Variants in RANBP2 observed in about 807,000 individuals in gnomAD.
RANBP2 encodes the protein RAN binding protein 2.
RANBP2 carries 57 observed loss-of-function variants against 303.6 expected under a neutral mutation model. The observed-to-expected ratio is 0.19, with a 90% CI of 0.15 to 0.23. RANBP2 has a LOEUF of 0.23. Ranked by LOEUF, RANBP2 falls within the 10% of genes least tolerant of loss-of-function variation. The probability of loss-of-function intolerance (pLI) is 1.00; values close to 1 mark genes in which losing one functional copy is unlikely to be tolerated. For missense variants in RANBP2, 3,138 were observed against 3,780.8 expected (o/e 0.83, Z 4.46); for synonymous variants, 1,167 against 1,301.5 (o/e 0.90, Z 2.23).
the RANBP2 span, chr2:108,812,884 A>G: frequency 1.9e-6 from 3 of 1,613,686 alleles, no homozygotes; most frequent in South Asian, 2.2e-5. Flanking sequence ...CATGAAATGA[A>G]AAGTTTAAAA....
At chr2:109,611,565 C>T in the RANBP2 span, among the ~76,000 whole-genome samples, 2 of 151,390 alleles carry the variant, frequency 1.3e-5, no homozygotes, top group African/African-American at 4.9e-5. Context: ...TGAGACCAGC[C>T]TGGGCAACAT....
chr2:108,745,775 A>G (rs1294764822), intron 7 of RANBP2, among the ~76,000 whole-genome samples: 1 of 152,108 alleles, frequency 6.6e-6, no homozygotes, highest in African/African-American at 2.4e-5. Context: ...CTCAAATAGG[A>G]CAACATCTGC....
the RANBP2 span, among the ~76,000 whole-genome samples, chr2:109,286,757 G>T: frequency 6.6e-6 from 1 of 152,214 alleles, no homozygotes; most frequent in South Asian, 2.1e-4. Flanking sequence ...TCCCTACAGA[G>T]ATGTGGTGCA....
chr2:108,809,237 GT>G, the RANBP2 span, among the ~76,000 whole-genome samples: 1 of 152,150 alleles, frequency 6.6e-6, no homozygotes, highest in African/African-American at 2.4e-5. Context: ...TATATTTTGA[GT>G]TTAGGTAGTG....
chr2:108,763,137 A>G, intron 19 of RANBP2, 100 bp from the exon 20 acceptor site: 1 of 1,312,470 alleles, frequency 7.6e-7, no homozygotes, highest in Non-Finnish European at 1.1e-6. Context: ...GATCTTCTTC[A>G]CTTCATATTC....
the RANBP2 span, among the ~76,000 whole-genome samples, chr2:108,920,251 A>C: frequency 0.044 from 6,660 of 152,286 alleles, 495 homozygotes; most frequent in African/African-American, 0.15. Flanking sequence ...CCACGTCATC[A>C]CATCTTTCCT....
the RANBP2 span, among the ~76,000 whole-genome samples, chr2:109,282,871 G>A: frequency 6.6e-6 from 1 of 152,124 alleles, no homozygotes; most frequent in Non-Finnish European, 1.5e-5. Context: ...AGGAGCTATG[G>A]ATGGGGAGTC....
At chr2:109,483,423 G>A in the RANBP2 span, among the ~76,000 whole-genome samples, 1 of 152,080 alleles carries the variant, frequency 6.6e-6, no homozygotes, top group Non-Finnish European at 1.5e-5. Context: ...GTATGCTCTC[G>A]GTGCCCAGCA....
downstream of RANBP2, among the ~76,000 whole-genome samples, chr2:108,790,627 G>A (rs116483871): frequency 0.024 from 3,684 of 152,276 alleles, 145 homozygotes; most frequent in African/African-American, 0.084. Flanking sequence ...GCTTGGACCC[G>A]GAGGCAGAGG....
the RANBP2 span, among the ~76,000 whole-genome samples, chr2:109,123,848 G>T: frequency 1.3e-5 from 2 of 152,158 alleles, no homozygotes. Flanking sequence ...AGTGCTTCAA[G>T]GGAAGGGCTA....
the RANBP2 span, among the ~76,000 whole-genome samples, chr2:109,351,478 T>TATA: frequency 6.6e-6 from 1 of 152,206 alleles, no homozygotes; most frequent in African/African-American, 2.4e-5. Flanking sequence ...AACTCTATAT[T>TATA]GTCTTACTCA....
chr2:109,644,623 A>C, the RANBP2 span, among the ~76,000 whole-genome samples: 23 of 152,238 alleles, frequency 1.5e-4, no homozygotes, highest in African/African-American at 5.1e-4. Flanking sequence ...TAGTAACCAC[A>C]TTCAGAACTG....
downstream of RANBP2, among the ~76,000 whole-genome samples, chr2:108,786,377 G>C (rs1678718110): frequency 6.6e-6 from 1 of 151,484 alleles, no homozygotes; most frequent in Admixed American, 6.6e-5. Context: ...CTACACGCGC[G>C]CCACCACTCC....
intron 8 of RANBP2, among the ~76,000 whole-genome samples, chr2:108,748,268 C>T (rs1345590747): frequency 4.7e-5 from 7 of 150,454 alleles, no homozygotes; most frequent in South Asian, 2.1e-4. Context: ...AGTGCAGTGG[C>T]GTGATCTCGG....
At chr2:108,949,457 T>C in the RANBP2 span, among the ~76,000 whole-genome samples, 3 of 152,316 alleles carry the variant, frequency 2.0e-5, no homozygotes, top group East Asian at 5.8e-4. Flanking sequence ...GAGCCTCCAG[T>C]TGGCTCTGAA....
chr2:109,427,267 A>G, the RANBP2 span, among the ~76,000 whole-genome samples: 2 of 152,158 alleles, frequency 1.3e-5, no homozygotes, highest in African/African-American at 4.8e-5. Flanking sequence ...CCGTGCCTGG[A>G]CAAAGAAAAT....
chr2:108,926,861 C>G, the RANBP2 span, among the ~76,000 whole-genome samples: 1 of 152,196 alleles, frequency 6.6e-6, no homozygotes, highest in Non-Finnish European at 1.5e-5. Flanking sequence ...CAGGAATGAA[C>G]GCAGCCTTTC....
the RANBP2 span, among the ~76,000 whole-genome samples, chr2:108,820,283 G>T: frequency 1.2e-3 from 187 of 152,162 alleles, no homozygotes; most frequent in African/African-American, 4.4e-3. Flanking sequence ...TGTCAGAGGA[G>T]CAAAGAGAAA....
At chr2:108,915,912 A>T in the RANBP2 span, among the ~76,000 whole-genome samples, 23 of 152,192 alleles carry the variant, frequency 1.5e-4, no homozygotes, top group Admixed American at 9.8e-4. Context: ...AAAAAATAAA[A>T]AATAAATAAA....
Sources: allele counts gnomAD v4.1 joint callset (sites outside exome capture counted in the v4.1 genomes callset), GRCh38; gene constraint gnomAD v4.1.1; transcripts MANE v1.5; gene names NCBI Gene and HGNC (gene_info 2026-07-23, HGNC 2026-07-21).